Variants in SAMD5 observed in about 807,000 individuals in gnomAD.
SAMD5 encodes sterile alpha motif domain containing 5, also known as sterile alpha motif domain-containing protein 5.
Under a neutral mutation model 11.3 loss-of-function variants are expected in SAMD5, and 13 were observed. The observed-to-expected ratio is 1.15, with a 90% CI of 0.75 to 1.83. SAMD5 has a LOEUF of 1.83. Among genes scored for constraint, SAMD5 ranks in the 40% most tolerant of loss-of-function variants. The pLI is 0.00. For missense variants in SAMD5, 255 were observed against 239.1 expected (o/e 1.07, Z -0.44); for synonymous variants, 129 against 111.3 (o/e 1.16, Z -1.00).
At chr6:147,532,197 T>C (rs913973324) in intron 1 of SAMD5, among the ~76,000 whole-genome samples, 2 of 152,220 alleles carry the variant, frequency 1.3e-5, no homozygotes, top group African/African-American at 4.8e-5. Context: ...GATAAATTCT[T>C]AAGTGGTGAT....
chr6:147,870,088 T>A, the SAMD5 span, among the ~76,000 whole-genome samples: 1 of 152,142 alleles, frequency 6.6e-6, no homozygotes. Flanking sequence ...CATGTATATT[T>A]CACATGCATA....
intron 1 of SAMD5, among the ~76,000 whole-genome samples, chr6:147,690,950 T>C (rs549304507): frequency 6.6e-6 from 1 of 151,212 alleles, no homozygotes; most frequent in Non-Finnish European, 1.5e-5. Context: ...GTGCCTTTGT[T>C]TCCTTCCAGC....
intron 1 of SAMD5, among the ~76,000 whole-genome samples, chr6:147,703,221 C>T (rs1255732374): frequency 6.6e-6 from 1 of 152,100 alleles, no homozygotes; most frequent in Non-Finnish European, 1.5e-5. Flanking sequence ...GTGCCTGCCA[C>T]CACACCCAGC....
intron 1 of SAMD5, among the ~76,000 whole-genome samples, chr6:147,692,660 G>A (rs1195472715): frequency 7.9e-5 from 12 of 152,172 alleles, no homozygotes; most frequent in Non-Finnish European, 2.9e-5. Context: ...CTTTTAAGAT[G>A]CAATTGGCCA....
At chr6:147,771,367 C>G in the SAMD5 span, among the ~76,000 whole-genome samples, 1 of 152,174 alleles carries the variant, frequency 6.6e-6, no homozygotes, top group African/African-American at 2.4e-5. Context: ...GGTTCCTGCT[C>G]TCTATCCTTT....
intron 1 of SAMD5, among the ~76,000 whole-genome samples, chr6:147,582,955 T>C (rs1215029706): frequency 6.6e-6 from 1 of 152,330 alleles, no homozygotes; most frequent in East Asian, 1.9e-4. Context: ...AGAAAACACA[T>C]GTGTTTCAGG....
At chr6:147,938,817 A>G in the SAMD5 span, among the ~76,000 whole-genome samples, 1 of 152,182 alleles carries the variant, frequency 6.6e-6, no homozygotes, top group Admixed American at 6.5e-5. Context: ...TTTTACTCTC[A>G]GCACTTTGGA....
At chr6:147,672,449 T>A (rs181264557) in intron 1 of SAMD5, among the ~76,000 whole-genome samples, 1 of 152,316 alleles carries the variant, frequency 6.6e-6, no homozygotes, top group Non-Finnish European at 1.5e-5. Flanking sequence ...GCAACATGAA[T>A]ATTTTTTCAC....
Position 147,564,756 on chromosome 6 carries a change from T to C in SAMD5, c.*300T>C, listed in dbSNP as rs1170412066. ...TTTCTTGGCATTCTCCCTTCCATTC[T>C]TAATGAAAACAGATGAGGTTGGCTA... On this transcript the variant is annotated 3_prime_UTR_variant, in exon 2 of 2. Transcript: ENST00000367474. 1 of 1,044,562 alleles carries C rather than the reference T, an allele frequency of 9.6e-7. No individual in the cohort carries two copies. Among genetic ancestry groups the C allele is most frequent in the East Asian group, 8.3e-5 (1 of 12,026 alleles). 64.7% of individuals were successfully genotyped at this position (1,044,562 alleles called of 1,614,324 possible).
chr6:147,597,586 G>T (rs1438371488), intron 1 of SAMD5, among the ~76,000 whole-genome samples: 4 of 152,148 alleles, frequency 2.6e-5, no homozygotes, highest in African/African-American at 9.7e-5. Flanking sequence ...CATGGCAGTT[G>T]AAAAGAGAAG....
At chr6:147,891,214 G>A in the SAMD5 span, among the ~76,000 whole-genome samples, 2 of 152,182 alleles carry the variant, frequency 1.3e-5, no homozygotes, top group Non-Finnish European at 2.9e-5. Flanking sequence ...GCCAGTTAGA[G>A]GGAGAATTGC....
the SAMD5 span, among the ~76,000 whole-genome samples, chr6:147,860,674 T>C: frequency 3.9e-5 from 6 of 152,308 alleles, no homozygotes; most frequent in African/African-American, 1.4e-4. Context: ...AAGAAGTTGG[T>C]GGGCTAGATA....
At chr6:147,605,576 T>C (rs987607974) in intron 1 of SAMD5, among the ~76,000 whole-genome samples, 2 of 152,110 alleles carry the variant, frequency 1.3e-5, no homozygotes, top group African/African-American at 2.4e-5. Context: ...AACAAAGCAA[T>C]GTACAGAAAA....
chr6:147,661,556 G>A (rs1386933540), intron 1 of SAMD5, among the ~76,000 whole-genome samples: 1 of 152,202 alleles, frequency 6.6e-6, no homozygotes, highest in Non-Finnish European at 1.5e-5. Flanking sequence ...AAGGAGCAAT[G>A]CTTAACATTA....
chr6:147,798,716 G>T, the SAMD5 span, among the ~76,000 whole-genome samples: 1 of 151,966 alleles, frequency 6.6e-6, no homozygotes, highest in Non-Finnish European at 1.5e-5. Flanking sequence ...TCTATTTGTA[G>T]GTCACTCAGG....
intron 1 of SAMD5, among the ~76,000 whole-genome samples, chr6:147,604,549 A>G (rs1354791663): frequency 2.0e-5 from 3 of 152,240 alleles, no homozygotes; most frequent in African/African-American, 4.8e-5. Context: ...TGCCAGCAGC[A>G]TTAGGTGGGG....
At chr6:147,910,562 T>G in the SAMD5 span, among the ~76,000 whole-genome samples, 59 of 152,258 alleles carry the variant, frequency 3.9e-4, 3 homozygotes, top group South Asian at 0.012. Flanking sequence ...GAAAGGCTCA[T>G]GTTGTTTGAT....
the SAMD5 span, among the ~76,000 whole-genome samples, chr6:147,879,120 C>A: frequency 1.3e-5 from 2 of 152,190 alleles, no homozygotes; most frequent in African/African-American, 4.8e-5. Context: ...TATTGCAGAT[C>A]AACAAAGAAT....
At chr6:147,771,701 C>T in the SAMD5 span, among the ~76,000 whole-genome samples, 1 of 152,148 alleles carries the variant, frequency 6.6e-6, no homozygotes, top group African/African-American at 2.4e-5. Flanking sequence ...TGGTCCCACA[C>T]CCCTCAACTC....
Sources: gnomAD v4.1 joint callset for allele counts (sites outside exome capture counted in the v4.1 genomes callset) on GRCh38, gnomAD v4.1.1 for gene constraint, MANE v1.5 for transcripts, NCBI Gene and HGNC (gene_info 2026-07-23, HGNC 2026-07-21) for gene names.